The following TRPM6 variants were observed in gnomAD, a reference collection of about 807,000 sequenced individuals.
TRPM6 encodes the protein channel kinase 2.
A neutral mutation model predicts 247.6 loss-of-function variants in TRPM6; 111 were observed. The observed-to-expected ratio is 0.45, with a 90% CI of 0.38 to 0.52. The LOEUF is 0.52. Ranked by LOEUF, TRPM6 falls within the 20% of genes least tolerant of loss-of-function variation. The probability of loss-of-function intolerance (pLI) is 0.00; values close to 1 mark genes in which losing one functional copy is unlikely to be tolerated. For synonymous variants in TRPM6, 892 were observed against 853.8 expected (o/e 1.04, Z -0.78); for missense variants, 2,126 against 2,421.5 (o/e 0.88, Z 2.56).
chr9:74,758,158 T>C (rs1311178794), intron 27 of TRPM6, among the ~76,000 whole-genome samples: 1 of 152,208 alleles, frequency 6.6e-6, no homozygotes, highest in African/African-American at 2.4e-5. Context: ...AGTTAAAAGC[T>C]TTCCCACAAA....
At position 74,762,433 on chromosome 9, in the gene TRPM6, A is replaced by G; in HGVS notation, c.4238T>C (p.Leu1413Ser). Residue 1413 changes from leucine to serine, a missense_variant, in exon 26 of 39, where the codon TTA becomes TCA. By Grantham distance (145) the Leu-to-Ser change is moderately radical. This residue lies in a region of TRPM6 where 717 missense variants were observed against 715.9 expected (regional missense o/e 1.00). Coordinates refer to ENST00000360774, the MANE Select transcript of TRPM6 (RefSeq NM_017662.5). ...PKEKHEPIAH[L>S]LDGQDKAEQV... ...CTCTGCCTTGTCTTGTCCATCCAGT[A>G]AGTGAGCAATAGGCTCGTGCTTTTC... The G allele has an allele frequency of 6.2e-7, 1 of 1,614,156 alleles. No homozygotes were observed. The highest frequency in any genetic ancestry group is 8.5e-7 in the Non-Finnish European group (1 of 1,180,032).
At chr9:74,870,639 A>C (rs1830991981) in intron 1 of TRPM6, among the ~76,000 whole-genome samples, 1 of 152,086 alleles carries the variant, frequency 6.6e-6, no homozygotes, top group Non-Finnish European at 1.5e-5. Context: ...TAGGCACTCC[A>C]CGGGCTGGGC....
rs536142316 is a variant in TRPM6 at position 74,815,558 on chromosome 9, C to T, written c.1308+1111G>A. On this transcript the variant is annotated intron_variant, in intron 11 of 38. Coordinates refer to ENST00000360774, the MANE Select transcript of TRPM6 (RefSeq NM_017662.5). ...AACATGGGAAAGAGGCAAGGGAATC[C>T]CCAAGATGATGAGGGTGCATCCCGG... Among the ~76,000 whole-genome samples the T allele has an allele frequency of 4.6e-5, 7 of 152,104 alleles. No individual in the cohort carries two copies. In the East Asian group the frequency reaches 1.2e-3, roughly 25 times the overall value.
At chr9:74,764,726 C>T (rs1237172404) in intron 25 of TRPM6, among the ~76,000 whole-genome samples, 1 of 152,118 alleles carries the variant, frequency 6.6e-6, no homozygotes, top group African/African-American at 2.4e-5. Context: ...TAAAAAGAAA[C>T]TTGTACGCAA....
In TRPM6 at chr9:74,827,936, T is replaced by G. The variant is rs751839892; in HGVS notation, c.683A>C (p.Tyr228Ser). Residue 228 changes from tyrosine (Y) to serine (S), a missense_variant, in exon 7 of 39, where the codon TAC becomes TCC. Transcript: ENST00000360774. ...DLIGKDVVCL[Y>S]QTLDNPLSKL... ...GCTGAGGGGGTTATCCAGAGTCTGG[T>G]ACAGGCACACCACCTGAGAGACAGC... 2 of 1,614,046 alleles carry G rather than the reference T, an allele frequency of 1.2e-6. No individual in the cohort carries two copies. Among genetic ancestry groups the G allele is most frequent in the Non-Finnish European group, 1.7e-6 (2 of 1,179,986 alleles).
intron 1 of TRPM6, among the ~76,000 whole-genome samples, chr9:74,869,375 C>T (rs1469905115): frequency 6.7e-6 from 1 of 150,354 alleles, no homozygotes; most frequent in Non-Finnish European, 1.5e-5. Flanking sequence ...GAAGCTGAGG[C>T]AGGAGAATCA....
At chr9:74,846,405 T>C (rs1830109339) in intron 3 of TRPM6, among the ~76,000 whole-genome samples, 1 of 152,244 alleles carries the variant, frequency 6.6e-6, no homozygotes, top group Non-Finnish European at 1.5e-5. Flanking sequence ...TTAAAGTTCT[T>C]GCTATACCTA....
At chr9:74,759,732 GT>G (rs1826556746) in intron 27 of TRPM6, among the ~76,000 whole-genome samples, 1 of 151,846 alleles carries the variant, frequency 6.6e-6, no homozygotes, top group Non-Finnish European at 1.5e-5. Flanking sequence ...TATTTTAAAT[GT>G]GATACAAAAA....
chr9:74,776,366 C>T (rs888268932), intron 23 of TRPM6, among the ~76,000 whole-genome samples: 1 of 152,036 alleles, frequency 6.6e-6, no homozygotes, highest in Non-Finnish European at 1.5e-5. Context: ...TTCTGGAACT[C>T]AACACTACTC....
intron 25 of TRPM6, among the ~76,000 whole-genome samples, chr9:74,763,929 A>G (rs148228857): frequency 6.5e-4 from 99 of 152,286 alleles, no homozygotes; most frequent in African/African-American, 1.9e-3. Flanking sequence ...CAGGTGGATC[A>G]CTTGAAGTCA....
intron 25 of TRPM6, among the ~76,000 whole-genome samples, chr9:74,768,125 T>G (rs1374968412): frequency 6.6e-6 from 1 of 152,160 alleles, no homozygotes; most frequent in African/African-American, 2.4e-5. Context: ...ATTGAATTGT[T>G]TATGTCTGCT....
rs1448404078 is a variant in TRPM6, at chr9:74,792,764, A to T, written c.2398T>A (p.Tyr800Asn). The T allele has an allele frequency of 6.2e-7, 1 of 1,613,560 alleles. No homozygotes were observed. The highest frequency in any genetic ancestry group is 1.3e-5 in the African/African-American group (1 of 74,968). ...TCATCATGGCCCCTTTCCAAATCAT[A>T]CTCTTTCTATAAAATAAACAAATAA... is the stretch of plus-strand genomic sequence containing the variant. ...SSKESASVKEYDLERGHDEKL... is the reference protein window; with the variant it reads ...SSKESASVKENDLERGHDEKL... The change falls in exon 19 of 39, where the codon TAT becomes AAT. Residue 800 changes from tyrosine to asparagine, a missense_variant. Physicochemically the swap from Tyr to Asn is moderately radical, Grantham distance 143. Transcript: ENST00000360774.
chr9:74,790,563 C>T (rs576038512), intron 19 of TRPM6, among the ~76,000 whole-genome samples: 4 of 152,232 alleles, frequency 2.6e-5, no homozygotes, highest in East Asian at 1.9e-4. Context: ...ATGGTCTCCC[C>T]TACATAACTG....
intron 36 of TRPM6, chr9:74,737,381 C>T: frequency 7.8e-7 from 1 of 1,289,772 alleles, no homozygotes; most frequent in Non-Finnish European, 1.0e-6. Flanking sequence ...TGCCCCAGGA[C>T]TGTCTGCTTA....
At position 74,762,500 on chromosome 9, in the gene TRPM6, T is replaced by A. The variant is rs1826681741; in HGVS notation, c.4171A>T (p.Thr1391Ser). ...GATGCCCAGTCAGAGACAACTGGGG[T>A]CTGCCCAGTCAGATGAACAAGAACC... Reference protein sequence around the residue: ...TEVLVHLTGQTPVVSDWASVD... With the variant: ...TEVLVHLTGQSPVVSDWASVD... The change falls in exon 26 of 39, where the codon ACC becomes TCC. Residue 1391 changes from threonine to serine, a missense_variant. Physicochemically the swap from Thr to Ser is moderately conservative, Grantham distance 58 (BLOSUM62 1). Coordinates refer to ENST00000360774, the MANE Select transcript of TRPM6 (RefSeq NM_017662.5). The A allele has an allele frequency of 1.9e-6, 3 of 1,613,932 alleles. No individual in the cohort carries two copies. In the Admixed American group the frequency reaches 5.0e-5, roughly 27 times the overall value.
intron 3 of TRPM6, among the ~76,000 whole-genome samples, chr9:74,843,607 G>A (rs1830012259): frequency 6.6e-6 from 1 of 151,502 alleles, no homozygotes; most frequent in Admixed American, 6.6e-5. Context: ...AGGAGATCGA[G>A]ACCATCCTGG....
At chr9:74,741,638 C>CCAG (rs985546612) in intron 33 of TRPM6, among the ~76,000 whole-genome samples, 2 of 151,912 alleles carry the variant, frequency 1.3e-5, no homozygotes, top group African/African-American at 4.8e-5. Flanking sequence ...TTCTGTAATC[C>CCAG]CAGCACTTTG....
intron 3 of TRPM6, among the ~76,000 whole-genome samples, chr9:74,851,413 C>G (rs1830308184): frequency 6.6e-6 from 1 of 151,950 alleles, no homozygotes; most frequent in East Asian, 1.9e-4. Flanking sequence ...ATCAAAATCT[C>G]AAAATATTTT....
intron 1 of TRPM6, among the ~76,000 whole-genome samples, chr9:74,864,299 T>C (rs1163077614): frequency 1.3e-5 from 2 of 152,184 alleles, no homozygotes; most frequent in African/African-American, 4.8e-5. Context: ...AAGTGCCAGG[T>C]AGATGGACAT....
Sources: gnomAD v4.1 joint callset for allele counts (sites outside exome capture counted in the v4.1 genomes callset) on GRCh38, gnomAD v4.1.1 for gene constraint, gnomAD v4.1.1 regional missense constraint, MANE v1.5 for transcripts, NCBI Gene and HGNC (gene_info 2026-07-23, HGNC 2026-07-21) for gene names.